COL5A2: variants seen among roughly 807,000 people sequenced by gnomAD.
COL5A2 encodes collagen alpha-2(V) chain.
In COL5A2, 23 loss-of-function variants were observed where a neutral mutation model predicts 208.2. The observed-to-expected ratio is 0.11, with a 90% CI of 0.08 to 0.16. COL5A2 has a LOEUF of 0.16. Among genes scored for constraint, COL5A2 ranks in the 10% least tolerant of loss-of-function variants. COL5A2 has a pLI of 1.00. For missense variants in COL5A2, 1,590 were observed against 1,956.4 expected (o/e 0.81, Z 3.53); for synonymous variants, 625 against 628.5 (o/e 0.99, Z 0.08).
At chr2:189,192,958 A>G (rs1280041550) in intron 1 of COL5A2, among the ~76,000 whole-genome samples, 2 of 152,168 alleles carry the variant, frequency 1.3e-5, no homozygotes, top group African/African-American at 4.8e-5. Flanking sequence ...TGTGATACTT[A>G]TCACAAGAGT....
In COL5A2 at chr2:189,069,377, A is replaced by G. The variant is rs187098073; in HGVS notation, c.1159-493T>C. The stretch of plus-strand genomic sequence containing the variant: ...AAAGAATAGATATTCTTAAATCCAC[A>G]TGGTTTACTTTTAGTATGTTCTTAC... On this transcript the variant is annotated intron_variant, in intron 18 of 53. Transcript: ENST00000374866. 3.4e-3 allele frequency among the ~76,000 whole-genome samples: 525 copies of G among 152,236 alleles called. 2 individuals are homozygous for G. Among genetic ancestry groups the G allele is most frequent in the South Asian group, 0.015 (72 of 4,830 alleles).
chr2:189,324,087 A>T, the COL5A2 span, among the ~76,000 whole-genome samples: 1 of 152,356 alleles, frequency 6.6e-6, no homozygotes, highest in South Asian at 2.1e-4. Flanking sequence ...TTCCCTATTT[A>T]ATAAATGGTG....
chr2:189,382,886 C>T, the COL5A2 span, among the ~76,000 whole-genome samples: 2 of 151,994 alleles, frequency 1.3e-5, no homozygotes, highest in East Asian at 1.9e-4. Context: ...GAGGATGTTA[C>T]ATAGTACATT....
At chr2:189,384,715 AT>A in the COL5A2 span, among the ~76,000 whole-genome samples, 1 of 151,982 alleles carries the variant, frequency 6.6e-6, no homozygotes, top group African/African-American at 2.4e-5. Flanking sequence ...CAATTTGTTG[AT>A]TGTTTCCTTT....
intron 1 of COL5A2, among the ~76,000 whole-genome samples, chr2:189,205,281 C>T (rs1457337663): frequency 6.6e-6 from 1 of 152,216 alleles, no homozygotes; most frequent in Non-Finnish European, 1.5e-5. Flanking sequence ...CTATACCAGA[C>T]ACTGTGCTAA....
At chr2:189,080,121 CT>C in intron 13 of COL5A2, 90 bp from the exon 14 acceptor site, 1 of 967,208 alleles carries the variant, frequency 1.0e-6, no homozygotes, top group Non-Finnish European at 1.6e-6. Context: ...CAGAAATTGC[CT>C]TATAAAAATG....
chr2:189,332,815 GAAAAGATACCC>G, the COL5A2 span, among the ~76,000 whole-genome samples: 1 of 152,178 alleles, frequency 6.6e-6, no homozygotes, highest in Non-Finnish European at 1.5e-5. Context: ...GGGCCCTGCT[GAAAAGATACCC>G]AAAAATGTGG....
At chr2:189,336,690 T>C in the COL5A2 span, among the ~76,000 whole-genome samples, 1 of 152,192 alleles carries the variant, frequency 6.6e-6, no homozygotes, top group East Asian at 1.9e-4. Context: ...TCTCTGGTGT[T>C]TGGAGGAGAG....
chr2:189,423,023 C>CAAA, the COL5A2 span, among the ~76,000 whole-genome samples: 1 of 112,842 alleles, frequency 8.9e-6, no homozygotes, highest in African/African-American at 3.4e-5. Flanking sequence ...AACTCTGTCT[C>CAAA]AAAAAAAAAA....
the COL5A2 span, among the ~76,000 whole-genome samples, chr2:189,419,724 A>G: frequency 6.6e-6 from 1 of 151,944 alleles, no homozygotes; most frequent in Non-Finnish European, 1.5e-5. Context: ...TGACCCCAGG[A>G]CTTTGAGGCT....
chr2:189,210,401 T>C (rs549722300), intron 1 of COL5A2, among the ~76,000 whole-genome samples: 31 of 150,180 alleles, frequency 2.1e-4, no homozygotes, highest in Non-Finnish European at 2.1e-4. Context: ...CTGTTTTCAC[T>C]TGATTAAAAT....
the COL5A2 span, among the ~76,000 whole-genome samples, chr2:189,307,077 C>A: frequency 6.6e-6 from 1 of 152,116 alleles, no homozygotes; most frequent in Admixed American, 6.6e-5. Context: ...TGATATATTT[C>A]TTAAAACATT....
At position 189,040,670 on chromosome 2, in the gene COL5A2, T is replaced by G. The variant is rs571074692; in HGVS notation, c.3633+916A>C. 3.9e-5 allele frequency among the ~76,000 whole-genome samples: 6 copies of G among 152,294 alleles called. No individual in the cohort carries two copies. The East Asian group carries it at 9.7e-4, about 25-fold the overall frequency. ...GGGCTGTTACATAATTTTTTTTTCTTCCTGTCTCTAAGGTCATATACTGAG... is the reference window on the plus strand; with the variant it reads ...GGGCTGTTACATAATTTTTTTTTCTGCCTGTCTCTAAGGTCATATACTGAG... On this transcript the variant is annotated intron_variant, in intron 50 of 53. Coordinates refer to ENST00000374866, the MANE Select transcript of COL5A2 (RefSeq NM_000393.5).
At chr2:189,358,002 C>G in the COL5A2 span, among the ~76,000 whole-genome samples, 1 of 152,200 alleles carries the variant, frequency 6.6e-6, no homozygotes, top group Admixed American at 6.5e-5. Flanking sequence ...CCTTGCACCT[C>G]CCAGGTGAGG....
chr2:189,075,283 T>C, intron 17 of COL5A2, 110 bp downstream of exon 17: 1 of 764,450 alleles, frequency 1.3e-6, no homozygotes, highest in Non-Finnish European at 2.3e-6. Context: ...CATCAACTTT[T>C]TATTCCAAGT....
At chr2:189,231,667 T>C in the COL5A2 span, among the ~76,000 whole-genome samples, 3 of 151,896 alleles carry the variant, frequency 2.0e-5, no homozygotes, top group African/African-American at 7.2e-5. Flanking sequence ...TATGTAGATA[T>C]ATATAGACAG....
chr2:189,086,873 T>G, intron 8 of COL5A2, 103 bp from the exon 9 acceptor site: 7 of 957,110 alleles, frequency 7.3e-6, no homozygotes, highest in South Asian at 7.0e-5. Flanking sequence ...AGTGAAGTTT[T>G]GACAAAGGGG....
intron 1 of COL5A2, among the ~76,000 whole-genome samples, chr2:189,205,710 G>C (rs1021780748): frequency 1.3e-5 from 2 of 152,008 alleles, no homozygotes; most frequent in Admixed American, 1.3e-4. Context: ...AGTAATTATT[G>C]GTTATCTACA....
At chr2:189,048,971 A>AT (rs1399585563) in intron 44 of COL5A2, among the ~76,000 whole-genome samples, 1 of 152,316 alleles carries the variant, frequency 6.6e-6, no homozygotes, top group East Asian at 1.9e-4. Context: ...ACAAGCTGGA[A>AT]TAGCTATATT....
Sources: gnomAD v4.1 joint callset for allele counts (sites outside exome capture counted in the v4.1 genomes callset) on GRCh38, gnomAD v4.1.1 for gene constraint, MANE v1.5 for transcripts, NCBI Gene and HGNC (gene_info 2026-07-23, HGNC 2026-07-21) for gene names.